SHANK1: variants seen among roughly 807,000 people sequenced by gnomAD.
The protein encoded by SHANK1 is SH3 and multiple ankyrin repeat domains 1.
Under a neutral mutation model 165.6 loss-of-function variants are expected in SHANK1, and 35 were observed. The ratio of observed to expected loss-of-function variants is 0.21; its 90% CI spans 0.16 to 0.28. SHANK1 has a LOEUF of 0.28. Among genes scored for constraint, SHANK1 ranks in the 10% least tolerant of loss-of-function variants. The pLI, the probability that SHANK1 is intolerant of heterozygous loss-of-function variation, is 1.00. For synonymous variants in SHANK1, 1,428 were observed against 1,384.8 expected, an observed-to-expected ratio of 1.03 and a Z score of -0.69; for missense variants, 2,681 against 3,036.4, an observed-to-expected ratio of 0.88 and a Z score of 2.75.
chr19:50,717,137 C>T lies in SHANK1; in HGVS notation c.-43-175G>A, dbSNP rs944280823. 2.6e-5 allele frequency among the ~76,000 whole-genome samples: 4 copies of T among 152,188 alleles called. No homozygotes were observed. The highest frequency in any genetic ancestry group is 9.7e-5 in the African/African-American group (4 of 41,446). ...GCCTCCCCTGCCGCCTCCTCCCACG[C>T]TGGCACGCACACACCCCTGTCCCTG... On this transcript the variant is annotated intron_variant, in intron 1 of 23. Transcript: ENST00000293441. This position sits in a 1 kb window ranked among gnomAD's most constrained non-coding sequence, Gnocchi z 5.5.
chr19:50,682,958 T>C (rs929248818), intron 21 of SHANK1, among the ~76,000 whole-genome samples: 2 of 152,148 alleles, frequency 1.3e-5, no homozygotes, highest in Non-Finnish European at 2.9e-5. Flanking sequence ...CCAGAGTAGC[T>C]AGGACTACAG....
intron 8 of SHANK1, 192 bp downstream of exon 8, chr19:50,711,179 C>T: frequency 2.2e-6 from 1 of 448,816 alleles, no homozygotes. Context: ...CAGTAAATAT[C>T]TGTTGGATGG....
rs779506333 is a variant in SHANK1 at position 50,714,243 on chromosome 19, G to C, written c.579C>G (p.Asp193Glu). Residue 193 changes from aspartate to glutamate, a missense_variant, in exon 5 of 24, where the codon GAC (aspartate) becomes GAG (glutamate). Asp to Glu is a conservative substitution (Grantham distance 45). Transcript: ENST00000293441. ...CCTTGTCCAGCAGCCGCGCCACCTTGTCAGATGTCCCGAGCTGCACATACT... is the reference window on the plus strand; with the variant it reads ...CCTTGTCCAGCAGCCGCGCCACCTTCTCAGATGTCCCGAGCTGCACATACT... Reference protein sequence around the residue: ...FLEYVQLGTSDKVARLLDKGL... With the variant: ...FLEYVQLGTSEKVARLLDKGL... 1 of 1,614,124 alleles carries C rather than the reference G, an allele frequency of 6.2e-7. No homozygotes were observed. Among genetic ancestry groups the C allele is most frequent in the Non-Finnish European group, 8.5e-7 (1 of 1,180,024 alleles).
rs1014432749 is a variant in SHANK1, at chr19:50,683,284, C to T, written c.2577+2953G>A. Among the ~76,000 whole-genome samples the T allele has an allele frequency of 4.6e-5, 7 of 152,188 alleles. No individual in the cohort carries two copies. In the East Asian group the frequency reaches 9.6e-4, roughly 21 times the overall value. On this transcript the variant is annotated intron_variant, in intron 21 of 23. Transcript: ENST00000293441. ...GAAATCCTACAATGCACAGGACAGG[C>T]TTCCACAACAAAGAATTACGCAGCT...
chr19:50,694,434 G>T (rs548865148), intron 15 of SHANK1, among the ~76,000 whole-genome samples: 369 of 151,072 alleles, frequency 2.4e-3, no homozygotes, highest in African/African-American at 7.4e-3. Flanking sequence ...AGGGACAGGG[G>T]CCTGGGATGT....
At chr19:50,672,974 A>G (rs1985853194) in intron 21 of SHANK1, among the ~76,000 whole-genome samples, 1 of 152,084 alleles carries the variant, frequency 6.6e-6, no homozygotes, top group South Asian at 2.1e-4. Context: ...CCCTGGATGC[A>G]GCATCCCATC....
intron 21 of SHANK1, among the ~76,000 whole-genome samples, chr19:50,684,549 G>C (rs907094879): frequency 1.3e-5 from 2 of 152,138 alleles, no homozygotes; most frequent in African/African-American, 4.8e-5. Flanking sequence ...TTTTATAAAA[G>C]TACGAGCCCC....
chr19:50,711,977 A>G lies in SHANK1; in HGVS notation c.930T>C (p.Ala310=), dbSNP rs2089015605. 5 of 1,614,048 alleles carry G rather than the reference A, an allele frequency of 3.1e-6. No homozygotes were observed. In the East Asian group the frequency reaches 1.1e-4, roughly 36 times the overall value. The change falls in exon 7 of 24, where the codon GCT becomes GCC. Residue 310 remains alanine (A), a synonymous_variant. Transcript: ENST00000293441. ...LLFNRAQLGI[A]DENGWQEIHQ... is the part of the protein sequence containing the mutation. Reference sequence around the variant, plus strand: ...GGATTTCCTGCCAGCCGTTCTCATCAGCTATGCCCAGCTGGGCCCTGTTGA... The same window carrying G: ...GGATTTCCTGCCAGCCGTTCTCATCGGCTATGCCCAGCTGGGCCCTGTTGA...
intron 8 of SHANK1, among the ~76,000 whole-genome samples, chr19:50,708,598 A>G (rs1599870506): frequency 6.7e-6 from 1 of 148,272 alleles, no homozygotes. Flanking sequence ...ACGTGCATGG[A>G]AAGGATGAGG....
chr19:50,716,337 C>T lies in SHANK1; in HGVS notation c.397G>A (p.Glu133Lys). 6.2e-7 allele frequency: 1 copy of T among 1,614,214 alleles called. No homozygotes were observed. Among genetic ancestry groups the T allele is most frequent in the Non-Finnish European group, 8.5e-7 (1 of 1,180,038 alleles). Reference protein sequence around the residue: ...ATSGRDANFLEEERLLREYPQ... With the variant: ...ATSGRDANFLKEERLLREYPQ... ...TACTCCCGCAGCAGCCTCTCCTCCTCCAGGAAGTTGGCATCGCGGCCGGAG... is the reference window on the plus strand; with the variant it reads ...TACTCCCGCAGCAGCCTCTCCTCCTTCAGGAAGTTGGCATCGCGGCCGGAG... The change falls in exon 3 of 24, where the codon GAG (glutamate) becomes AAG (lysine). Residue 133 changes from glutamate (E) to lysine (K), a missense_variant. By Grantham distance (56) the Glu-to-Lys change is moderately conservative. This residue lies in a region of SHANK1 where 189 missense variants were observed against 440.9 expected (regional missense o/e 0.43). Transcript: ENST00000293441. The surrounding 1 kb of genome is among the most constrained non-coding windows in gnomAD (Gnocchi z 8.4).
Position 50,659,915 on chromosome 19 carries a change from C to T in SHANK1, c.*2050G>A, listed in dbSNP as rs1170223718. Among the ~76,000 whole-genome samples the T allele has an allele frequency of 6.6e-6, 1 of 150,846 alleles. No homozygotes were observed. The highest frequency in any genetic ancestry group is 2.4e-5 in the African/African-American group (1 of 40,978). On this transcript the variant is annotated 3_prime_UTR_variant, in exon 24 of 24. Transcript: ENST00000293441. ...GGGGGCGGGTAGGGGTCCAGCGCGG[C>T]CTCTGCCCCTCTCTCACCACCCCTC...
chr19:50,678,233 A>G (rs1400798375), intron 21 of SHANK1, among the ~76,000 whole-genome samples: 2 of 152,156 alleles, frequency 1.3e-5, no homozygotes, highest in Non-Finnish European at 2.9e-5. Context: ...GAGTGGCTCA[A>G]AAACCCTGAG....
intron 8 of SHANK1, 102 bp downstream of exon 8, chr19:50,711,269 G>T (rs561617254): frequency 4.4e-6 from 3 of 681,552 alleles, no homozygotes; most frequent in Non-Finnish European, 7.8e-6. Context: ...GTGAAGAAGT[G>T]GAGGGTGCAG....
chr19:50,711,799 A>G, intron 7 of SHANK1, 148 bp downstream of exon 7: 1 of 961,498 alleles, frequency 1.0e-6, no homozygotes, highest in Non-Finnish European at 1.6e-6. Flanking sequence ...TTCTGCCTTC[A>G]CCCCCACCAT....
At position 50,700,043 on chromosome 19, in the gene SHANK1, G is replaced by A. The variant is rs142921650; in HGVS notation, c.1748-2087C>T. 2.5e-3 allele frequency among the ~76,000 whole-genome samples: 253 copies of A among 99,960 alleles called. 28 individuals are homozygous for A. The highest frequency in any genetic ancestry group is 0.01 in the African/African-American group (216 of 21,556). The allele number at this position is 99,960 out of a possible 152,430, so 65.6% of individuals were successfully genotyped here. ...GGGGCATTGGAGGATTGGAGGGCTC[G>A]GGGCATTGGAGGGTTGGAAGGCTCA... is the stretch of plus-strand genomic sequence containing the variant. On this transcript the variant is annotated intron_variant, in intron 12 of 23. Coordinates refer to ENST00000293441, the MANE Select transcript of SHANK1 (RefSeq NM_016148.5).
At position 50,686,869 on chromosome 19, in the gene SHANK1, G is replaced by A; in HGVS notation, c.2390-57C>T. On this transcript the variant is annotated intron_variant, in intron 19 of 23. Transcript: ENST00000293441. The surrounding 1 kb of genome is among the most constrained non-coding windows in gnomAD (Gnocchi z 5.7). ...GAGCCCCCGGGGGCGGGGCGGAGCG[G>A]GCTCGGCCTGTGGGCGTGGCCAGCA... The A allele has an allele frequency of 6.3e-7, 1 of 1,599,818 alleles. No homozygotes were observed.
chr19:50,668,157 C>CCGCCGTCCT lies in SHANK1; in HGVS notation c.3794_3802dup (p.Glu1265_Gly1267dup), dbSNP rs759137691. On this transcript the variant is annotated inframe_insertion, in exon 23 of 24. Transcript: ENST00000293441. ...CGCCCCTGTGCCCAGCCCGCCGTCC[C>CCGCCGTCCT]CGCCGTCCTCGTCCCCCGCGTCGGT... is the stretch of plus-strand genomic sequence containing the variant. The CCGCCGTCCT allele has an allele frequency of 1.1e-5, 16 of 1,460,912 alleles. No individual in the cohort carries two copies. Among genetic ancestry groups the CCGCCGTCCT allele is most frequent in the East Asian group, 3.0e-5 (1 of 33,450 alleles). The allele number at this position is 1,460,912 out of a possible 1,614,324, so 90.5% of individuals were successfully genotyped here. A position where few individuals can be genotyped will look rare whatever the true frequency, so the allele number is the denominator to read the frequency against.
chr19:50,671,057 G>C (rs1985773066), intron 22 of SHANK1, among the ~76,000 whole-genome samples: 3 of 151,730 alleles, frequency 2.0e-5, no homozygotes, highest in African/African-American at 7.3e-5. Flanking sequence ...CTCCCAAAGT[G>C]CTGGGATTAC....
chr19:50,700,969 C>T (rs1986897516), intron 12 of SHANK1, among the ~76,000 whole-genome samples: 1 of 152,066 alleles, frequency 6.6e-6, no homozygotes, highest in African/African-American at 2.4e-5. Flanking sequence ...CCTAGAGACC[C>T]AGAGACCAGT....
Sources: gnomAD v4.1 joint callset for allele counts (sites outside exome capture counted in the v4.1 genomes callset) on GRCh38, gnomAD v4.1.1 for gene constraint, gnomAD v4.1.1 regional missense constraint, Gnocchi (gnomAD v3.1) non-coding constraint, MANE v1.5 for transcripts, NCBI Gene and HGNC (gene_info 2026-07-23, HGNC 2026-07-21) for gene names.